The following PRELID2 variants were observed in gnomAD, a reference collection of about 807,000 sequenced individuals.
The protein encoded by PRELID2 is PRELI domain-containing protein 2.
Under a neutral mutation model 28.4 loss-of-function variants are expected in PRELID2, and 25 were observed. The ratio of observed to expected loss-of-function variants is 0.88; its 90% confidence interval spans 0.64 to 1.23. The LOEUF is 1.23. PRELID2 is among the 50% of genes most tolerant of loss of function. The probability of loss-of-function intolerance (pLI) is 0.00; values close to 1 mark genes in which losing one functional copy is unlikely to be tolerated. For missense variants in PRELID2, 201 were observed against 214.4 expected (o/e 0.94, Z 0.39); for synonymous variants, 76 against 71.6 (o/e 1.06, Z -0.31).
chr5:145,511,559 T>G (rs559654428), intron 1 of PRELID2, among the ~76,000 whole-genome samples: 20 of 152,304 alleles, frequency 1.3e-4, no homozygotes, highest in African/African-American at 4.8e-4. Context: ...TGATGAGAGA[T>G]AGGCAGCTAT....
At chr5:145,306,182 T>C in the PRELID2 span, among the ~76,000 whole-genome samples, 1 of 152,176 alleles carries the variant, frequency 6.6e-6, no homozygotes, top group African/African-American at 2.4e-5. Flanking sequence ...ACTTATGGAG[T>C]TTGAAGGACA....
chr5:145,617,417 A>G (rs1753714188), intron 1 of PRELID2, among the ~76,000 whole-genome samples: 1 of 152,332 alleles, frequency 6.6e-6, no homozygotes, highest in African/African-American at 2.4e-5. Flanking sequence ...GAACTAATAA[A>G]GGTCCATGAA....
At chr5:145,263,094 A>G in the PRELID2 span, among the ~76,000 whole-genome samples, 4 of 152,302 alleles carry the variant, frequency 2.6e-5, no homozygotes, top group Non-Finnish European at 4.4e-5. Context: ...ACAAAGAGGG[A>G]CATTATGTAA....
the PRELID2 span, among the ~76,000 whole-genome samples, chr5:145,355,455 A>G: frequency 6.6e-6 from 1 of 152,160 alleles, no homozygotes; most frequent in Admixed American, 6.6e-5. Flanking sequence ...TCCTCTCATA[A>G]TAAGATGACC....
At chr5:145,259,179 C>T in the PRELID2 span, among the ~76,000 whole-genome samples, 2 of 152,206 alleles carry the variant, frequency 1.3e-5, no homozygotes. Flanking sequence ...CAGGCAGAAG[C>T]CTGCTGCAGG....
chr5:145,663,239 C>T (rs1754527908), intron 1 of PRELID2, among the ~76,000 whole-genome samples: 1 of 152,132 alleles, frequency 6.6e-6, no homozygotes, highest in Non-Finnish European at 1.5e-5. Context: ...ACCTCACCTG[C>T]CCCATGACAG....
At chr5:145,631,016 A>G (rs1753925006) in intron 1 of PRELID2, among the ~76,000 whole-genome samples, 1 of 152,214 alleles carries the variant, frequency 6.6e-6, no homozygotes, top group Non-Finnish European at 1.5e-5. Context: ...TGAAATGGGG[A>G]TAAACCACTA....
At chr5:145,815,813 T>C (rs571765326) in intron 4 of PRELID2, among the ~76,000 whole-genome samples, 4 of 152,350 alleles carry the variant, frequency 2.6e-5, no homozygotes, top group East Asian at 1.9e-4. Context: ...TATCAGTTGA[T>C]GGACATTGGC....
chr5:145,636,717 T>C (rs1488899125), intron 1 of PRELID2, among the ~76,000 whole-genome samples: 1 of 152,222 alleles, frequency 6.6e-6, no homozygotes, highest in African/African-American at 2.4e-5. Context: ...AAATATTCTT[T>C]CAGAGTTTCA....
chr5:145,768,732 C>T (rs1459008286), intron 5 of PRELID2, among the ~76,000 whole-genome samples: 2 of 152,148 alleles, frequency 1.3e-5, no homozygotes, highest in East Asian at 1.9e-4. Flanking sequence ...GAACTGAACA[C>T]TAATTGACAT....
the PRELID2 span, among the ~76,000 whole-genome samples, chr5:145,254,798 C>A: frequency 7.3e-5 from 11 of 151,488 alleles, no homozygotes; most frequent in African/African-American, 2.2e-4. Context: ...GAGAGATGGG[C>A]AAGAGAAATG....
At chr5:145,244,239 G>A in the PRELID2 span, among the ~76,000 whole-genome samples, 1 of 152,046 alleles carries the variant, frequency 6.6e-6, no homozygotes, top group African/African-American at 2.4e-5. Flanking sequence ...ATAGGCCTGA[G>A]CCACCACGGC....
the PRELID2 span, among the ~76,000 whole-genome samples, chr5:145,298,163 T>A: frequency 6.6e-6 from 1 of 152,108 alleles, no homozygotes; most frequent in African/African-American, 2.4e-5. Flanking sequence ...CATCGCCCAG[T>A]CAATCCTAAG....
At chr5:145,643,894 G>A (rs1330704017) in intron 1 of PRELID2, among the ~76,000 whole-genome samples, 4 of 152,138 alleles carry the variant, frequency 2.6e-5, no homozygotes, top group Non-Finnish European at 4.4e-5. Context: ...GCTTTTTGAT[G>A]TACTGCTGGA....
At chr5:145,834,264 G>A (rs1755789612) in intron 1 of PRELID2, among the ~76,000 whole-genome samples, 1 of 152,168 alleles carries the variant, frequency 6.6e-6, no homozygotes, top group African/African-American at 2.4e-5. Flanking sequence ...AGCCCAGAGA[G>A]ACAAGAGTAT....
chr5:145,656,163 A>C (rs997124840), intron 1 of PRELID2, among the ~76,000 whole-genome samples: 8 of 152,232 alleles, frequency 5.3e-5, no homozygotes, highest in Non-Finnish European at 7.3e-5. Flanking sequence ...GCTCGTCATC[A>C]CTGGCCGTCA....
At chr5:145,727,219 A>T (rs755195535) in intron 1 of PRELID2, among the ~76,000 whole-genome samples, 8 of 152,178 alleles carry the variant, frequency 5.3e-5, no homozygotes, top group Non-Finnish European at 8.8e-5. Flanking sequence ...GGAGGGCTAG[A>T]AGCAAGGAGC....
chr5:145,583,340 G>A lies in PRELID2; in HGVS notation n.71-110025C>T, dbSNP rs114540869. On this transcript the variant is annotated intron_variant and non_coding_transcript_variant, in intron 1 of 2. Coordinates refer to the PRELID2 transcript ENST00000510259. ...ACAAACCCACAGCCAATATCCTACC[G>A]ATGGGCAAAAACTTGGAGCATTCCC... Among the ~76,000 whole-genome samples the A allele has an allele frequency of 3.3e-3, 499 of 152,064 alleles. 1 individual carries two copies. Among genetic ancestry groups the A allele is most frequent in the African/African-American group, 0.011 (469 of 41,496 alleles).
At chr5:145,565,411 C>G (rs535220375) in intron 1 of PRELID2, among the ~76,000 whole-genome samples, 2 of 152,342 alleles carry the variant, frequency 1.3e-5, no homozygotes, top group South Asian at 4.1e-4. Flanking sequence ...TTGCTGCCAA[C>G]TTGAATAGGT....
Sources: allele counts gnomAD v4.1 joint callset (sites outside exome capture counted in the v4.1 genomes callset), GRCh38; gene constraint gnomAD v4.1.1; transcripts MANE v1.5; gene names NCBI Gene and HGNC (gene_info 2026-07-23, HGNC 2026-07-21).